The following TMPRSS15 variants were observed in gnomAD, a reference collection of about 807,000 sequenced individuals.
TMPRSS15 encodes enteropeptidase.
Under a neutral mutation model 125.3 loss-of-function variants are expected in TMPRSS15, and 128 were observed. The ratio of observed to expected loss-of-function variants is 1.02; its 90% CI spans 0.89 to 1.18. TMPRSS15 has a LOEUF of 1.18. TMPRSS15 is among the 50% of genes most tolerant of loss of function. The pLI, the probability that TMPRSS15 is intolerant of heterozygous loss-of-function variation, is 0.00. For synonymous variants in TMPRSS15, 446 were observed against 423.2 expected (o/e 1.05, Z -0.66); for missense variants, 1,283 against 1,212.7 (o/e 1.06, Z -0.86).
At chr21:18,370,058 T>C (rs1172226592) in intron 6 of TMPRSS15, among the ~76,000 whole-genome samples, 5 of 151,234 alleles carry the variant, frequency 3.3e-5, no homozygotes, top group African/African-American at 1.2e-4. Context: ...GGCTGGTCAC[T>C]ACTAAGGTTC....
chr21:18,308,170 TTAAAG>T (rs1316541245), intron 18 of TMPRSS15, among the ~76,000 whole-genome samples: 1 of 152,158 alleles, frequency 6.6e-6, no homozygotes, highest in Non-Finnish European at 1.5e-5. Context: ...AAATTAGTGT[TTAAAG>T]TAGGAACTTG....
chr21:18,309,506 C>T (rs890272118), intron 18 of TMPRSS15, among the ~76,000 whole-genome samples: 3 of 151,928 alleles, frequency 2.0e-5, no homozygotes, highest in African/African-American at 7.3e-5. Flanking sequence ...GCAATCTAGC[C>T]ATCTGACAAA....
chr21:18,339,138 T>C (rs1032572679), intron 13 of TMPRSS15, among the ~76,000 whole-genome samples: 10 of 152,216 alleles, frequency 6.6e-5, no homozygotes. Context: ...TTACATTTCA[T>C]CTGCAGTGTT....
At chr21:18,456,735 A>G (rs1978448720) in intron 1 of TMPRSS15, among the ~76,000 whole-genome samples, 1 of 152,178 alleles carries the variant, frequency 6.6e-6, no homozygotes, top group African/African-American at 2.4e-5. Context: ...ACTACTGATT[A>G]TAAAAGTAAT....
chr21:18,466,203 AG>A (rs971464415), intron 1 of TMPRSS15, among the ~76,000 whole-genome samples: 2 of 152,226 alleles, frequency 1.3e-5, no homozygotes, highest in Admixed American at 6.5e-5. Context: ...AAAACTGGCT[AG>A]CCATATGCAG....
chr21:18,392,032 C>T (rs1342854302), intron 3 of TMPRSS15, among the ~76,000 whole-genome samples: 2 of 152,188 alleles, frequency 1.3e-5, no homozygotes, highest in African/African-American at 4.8e-5. Flanking sequence ...CAAGGCTGTA[C>T]ACAGCAGTGG....
intron 1 of TMPRSS15, among the ~76,000 whole-genome samples, chr21:18,417,328 T>A (rs1402048298): frequency 6.6e-6 from 1 of 152,084 alleles, no homozygotes. Flanking sequence ...TATGATTGTC[T>A]CCCTCTCTTA....
chr21:18,425,820 C>T (rs1014440471), intron 1 of TMPRSS15, among the ~76,000 whole-genome samples: 15 of 152,076 alleles, frequency 9.9e-5, no homozygotes, highest in African/African-American at 3.4e-4. Flanking sequence ...AATTCAGATG[C>T]ATCAGTATTC....
chr21:18,360,918 C>A (rs926430931), intron 7 of TMPRSS15, among the ~76,000 whole-genome samples: 1 of 152,014 alleles, frequency 6.6e-6, no homozygotes, highest in Non-Finnish European at 1.5e-5. Flanking sequence ...GTATATTGTT[C>A]ATACCATCAA....
In TMPRSS15 at chr21:18,479,127, T is replaced by C. The variant is rs1297810569; in HGVS notation, c.10+6672A>G. ...TCAAAAAGTTTCAGATGTTTGATTTTTGGATTTGGAATGCTCAATCTGTAT... is the reference window on the plus strand; with the variant it reads ...TCAAAAAGTTTCAGATGTTTGATTTCTGGATTTGGAATGCTCAATCTGTAT... On this transcript the variant is annotated intron_variant, in intron 1 of 7. Coordinates refer to the TMPRSS15 transcript ENST00000422787. Among the ~76,000 whole-genome samples, 5 of 152,000 alleles carry C rather than the reference T, an allele frequency of 3.3e-5. No homozygotes were observed. The East Asian group carries it at 9.6e-4, about 29-fold the overall frequency.
At chr21:18,290,219 T>G (rs1254091185) in intron 21 of TMPRSS15, among the ~76,000 whole-genome samples, 2 of 152,194 alleles carry the variant, frequency 1.3e-5, no homozygotes, top group Non-Finnish European at 2.9e-5. Context: ...GTCATTGTTT[T>G]GAGTATATAT....
intron 21 of TMPRSS15, among the ~76,000 whole-genome samples, chr21:18,283,069 C>T (rs1163145387): frequency 2.0e-5 from 3 of 152,150 alleles, no homozygotes; most frequent in Non-Finnish European, 2.9e-5. Context: ...AAGAGGTCTT[C>T]GTGCTTTCTC....
At chr21:18,393,633 T>TGC (rs1240501239) in intron 3 of TMPRSS15, among the ~76,000 whole-genome samples, 4 of 152,178 alleles carry the variant, frequency 2.6e-5, no homozygotes, top group Non-Finnish European at 4.4e-5. Flanking sequence ...TGACATGTAA[T>TGC]GCCTAATAAC....
rs151102302 is a variant in TMPRSS15, at chr21:18,332,348, G to A, written c.1565-175C>T. 6.6e-5 allele frequency among the ~76,000 whole-genome samples: 10 copies of A among 152,292 alleles called. 1 individual carries two copies. Among genetic ancestry groups the A allele is most frequent in the East Asian group, 3.9e-4 (2 of 5,188 alleles). On this transcript the variant is annotated intron_variant, in intron 13 of 24. Coordinates refer to ENST00000284885, the MANE Select transcript of TMPRSS15 (RefSeq NM_002772.3). ...TTAAGTAAAGGAAAAATACAGTTAA[G>A]TAGATAAGAGCTCTAATGATCAGTG...
intron 1 of TMPRSS15, among the ~76,000 whole-genome samples, chr21:18,482,061 C>T (rs560842051): frequency 1.5e-4 from 22 of 151,420 alleles, no homozygotes; most frequent in Admixed American, 6.6e-4. Context: ...ATTTTATCTA[C>T]GATATATTAT....
intron 1 of TMPRSS15, among the ~76,000 whole-genome samples, chr21:18,428,651 AT>A (rs2076209458): frequency 6.6e-6 from 1 of 152,172 alleles, no homozygotes; most frequent in East Asian, 1.9e-4. Context: ...CAGCTTCCAC[AT>A]GGTGTTGAGC....
At chr21:18,436,332 T>C (rs943604160) in intron 1 of TMPRSS15, among the ~76,000 whole-genome samples, 58 of 152,270 alleles carry the variant, frequency 3.8e-4, no homozygotes, top group Non-Finnish European at 7.3e-4. Context: ...GTATGTTGTG[T>C]TTTTGTTCTC....
rs2075150344 is a variant in TMPRSS15 at position 18,315,254 on chromosome 21, G to C, written c.1924C>G (p.Pro642Ala). 2 of 1,608,372 alleles carry C rather than the reference G, an allele frequency of 1.2e-6. No homozygotes were observed. Among genetic ancestry groups the C allele is most frequent in the Non-Finnish European group, 1.7e-6 (2 of 1,175,610 alleles). ...CATTGAAAATGGTCTGCCTTGCATG[G>C]CTCTATGGGGAAAGAATGTTTATTG... ...TTGYHLGIPE[P>A]CKADHFQCKN... Residue 642 changes from proline (P) to alanine (A), a missense_variant and splice_region_variant, in exon 17 of 25, where the codon CCA (proline) becomes GCA (alanine). Transcript: ENST00000284885.
At chr21:18,334,432 G>A (rs1019109323) in intron 13 of TMPRSS15, among the ~76,000 whole-genome samples, 3 of 152,242 alleles carry the variant, frequency 2.0e-5, no homozygotes, top group African/African-American at 4.8e-5. Context: ...GGGAGAGAAC[G>A]CAATGTATAA....
Sources: gnomAD v4.1 joint callset for allele counts (sites outside exome capture counted in the v4.1 genomes callset) on GRCh38, gnomAD v4.1.1 for gene constraint, MANE v1.5 for transcripts, NCBI Gene and HGNC (gene_info 2026-07-23, HGNC 2026-07-21) for gene names.